Variants in TTLL7 observed in about 807,000 individuals in gnomAD.
TTLL7 encodes the protein tubulin polyglutamylase TTLL7.
Under a neutral mutation model 120.2 loss-of-function variants are expected in TTLL7, and 53 were observed. That is an observed-to-expected ratio of 0.44 (90% CI 0.35 to 0.55). TTLL7 has a LOEUF of 0.55. Ranked by LOEUF, TTLL7 falls within the 20% of genes least tolerant of loss-of-function variation. TTLL7 has a pLI of 0.00. For synonymous variants in TTLL7, 353 were observed against 351.7 expected (o/e 1.00, Z -0.04); for missense variants, 803 against 1,054.7 (o/e 0.76, Z 3.31).
At chr1:83,911,518 A>G (rs1657674825) in intron 14 of TTLL7, among the ~76,000 whole-genome samples, 155 bp from the exon 15 acceptor site, 1 of 152,154 alleles carries the variant, frequency 6.6e-6, no homozygotes, top group African/African-American at 2.4e-5. Flanking sequence ...TGCTTAGCCT[A>G]CAGTGCTATG....
chr1:83,996,778 A>G lies in TTLL7; in HGVS notation c.-177+2153T>C, dbSNP rs1457004921. Among the ~76,000 whole-genome samples the G allele has an allele frequency of 2.0e-5, 3 of 152,094 alleles. No individual in the cohort carries two copies. The East Asian group carries it at 5.8e-4, about 29-fold the overall frequency. On this transcript the variant is annotated intron_variant, in intron 1 of 20. Coordinates refer to ENST00000260505, the MANE Select transcript of TTLL7 (RefSeq NM_024686.6). ...CTAAAGCCAAGTTGGTATTATATTC[A>G]TACTCTCAGTGATGTCATCTAAGTA...
chr1:83,946,580 C>T (rs1022561525), intron 6 of TTLL7, among the ~76,000 whole-genome samples: 42 of 152,290 alleles, frequency 2.8e-4, no homozygotes, highest in African/African-American at 9.9e-4. Context: ...ATTACTTACA[C>T]ATTCTATTCT....
chr1:83,939,223 T>A (rs1647706823), intron 7 of TTLL7, among the ~76,000 whole-genome samples: 1 of 152,202 alleles, frequency 6.6e-6, no homozygotes, highest in Non-Finnish European at 1.5e-5. Context: ...TATGCTTACC[T>A]AATTTTAAGT....
At chr1:83,876,369 T>C (rs538159388) in intron 20 of TTLL7, among the ~76,000 whole-genome samples, 2 of 152,062 alleles carry the variant, frequency 1.3e-5, no homozygotes, top group East Asian at 1.9e-4. Context: ...CTAAATCCTA[T>C]GATGTTATAT....
At chr1:83,900,716 T>C (rs1211309375) in intron 18 of TTLL7, among the ~76,000 whole-genome samples, 2 of 152,044 alleles carry the variant, frequency 1.3e-5, no homozygotes, top group Non-Finnish European at 2.9e-5. Context: ...GCAATTATTC[T>C]GTAGGATGGA....
At chr1:83,959,886 T>C (rs1300483420) in intron 1 of TTLL7, among the ~76,000 whole-genome samples, 1 of 152,108 alleles carries the variant, frequency 6.6e-6, no homozygotes, top group Non-Finnish European at 1.5e-5. Flanking sequence ...CAGTATATTA[T>C]TTACATAAAG....
intron 20 of TTLL7, among the ~76,000 whole-genome samples, chr1:83,881,317 G>A (rs1273176110): frequency 6.7e-6 from 1 of 149,974 alleles, no homozygotes. Flanking sequence ...CTACAAAATG[G>A]GAGAAAATTT....
At chr1:83,906,530 G>C (rs779880364) in intron 16 of TTLL7, 67 bp from the exon 17 acceptor site, 3 of 1,601,024 alleles carry the variant, frequency 1.9e-6, no homozygotes, top group Admixed American at 1.7e-5. Context: ...TAATCTGAAA[G>C]ATATTTCTAG....
At position 83,869,541 on chromosome 1, in the gene TTLL7, A is replaced by G. The variant is rs1042954590; in HGVS notation, c.*421T>C. The G allele has an allele frequency of 6.5e-6, 1 of 153,876 alleles. No homozygotes were observed. The highest frequency in any genetic ancestry group is 1.4e-5 in the Non-Finnish European group (1 of 69,312). 9.5% of individuals were successfully genotyped at this position (153,876 alleles called of 1,614,324 possible). A position where few individuals can be genotyped will look rare whatever the true frequency, so the allele number is the denominator to read the frequency against. Reference sequence around the variant, plus strand: ...GAGAATTTTTAAGGTATTATACTAAACCCTTTTTCAGGTCAAAAGGCATGT... The same window carrying G: ...GAGAATTTTTAAGGTATTATACTAAGCCCTTTTTCAGGTCAAAAGGCATGT... On this transcript the variant is annotated 3_prime_UTR_variant, in exon 21 of 21. Coordinates refer to ENST00000260505, the MANE Select transcript of TTLL7 (RefSeq NM_024686.6).
chr1:83,917,422 A>T (rs532543992), intron 14 of TTLL7, among the ~76,000 whole-genome samples, 182 bp downstream of exon 14: 1 of 152,284 alleles, frequency 6.6e-6, no homozygotes, highest in Admixed American at 6.5e-5. Flanking sequence ...GACGAATGAA[A>T]CTAATAAAAC....
At chr1:83,958,455 A>G (rs994038382) in intron 1 of TTLL7, among the ~76,000 whole-genome samples, 1 of 152,212 alleles carries the variant, frequency 6.6e-6, no homozygotes, top group Non-Finnish European at 1.5e-5. Context: ...CACACACATT[A>G]ACATTATTTG....
At chr1:83,979,335 A>G (rs1651766934) in intron 1 of TTLL7, 1 of 152,234 alleles carries the variant, frequency 6.6e-6, no homozygotes, top group Non-Finnish European at 1.5e-5. Context: ...GGTGGAGGCC[A>G]CAGGACCAGT....
rs72719401 is a variant in TTLL7, at chr1:83,991,842, T to C, written c.-177+7089A>G. Among the ~76,000 whole-genome samples the C allele has an allele frequency of 5.6e-3, 847 of 152,270 alleles. 4 individuals are homozygous for C. The highest frequency in any genetic ancestry group is 8.3e-3 in the Non-Finnish European group (564 of 68,020). On this transcript the variant is annotated intron_variant, in intron 1 of 20. Transcript: ENST00000260505. Reference sequence around the variant, plus strand: ...TATAGATATTGCTGAGTGTATTTGCTTAATTTTATTCCCAGTAGAAGCTAC... The same window carrying C: ...TATAGATATTGCTGAGTGTATTTGCCTAATTTTATTCCCAGTAGAAGCTAC...
chr1:83,992,046 T>C (rs1043028783), intron 1 of TTLL7, among the ~76,000 whole-genome samples: 1 of 152,172 alleles, frequency 6.6e-6, no homozygotes. Context: ...ATGCATATTA[T>C]ATACTCAAGA....
chr1:83,918,701 G>C (rs1658396542), intron 13 of TTLL7, among the ~76,000 whole-genome samples: 1 of 152,028 alleles, frequency 6.6e-6, no homozygotes, highest in South Asian at 2.1e-4. Context: ...GCCAGAAAAG[G>C]CCAGATAAAC....
chr1:83,960,962 G>A (rs1443959205), intron 1 of TTLL7, among the ~76,000 whole-genome samples: 1 of 152,096 alleles, frequency 6.6e-6, no homozygotes, highest in Non-Finnish European at 1.5e-5. Flanking sequence ...AGCTGGATCT[G>A]TCCTGTGTTC....
chr1:83,872,484 G>A (rs747174090), intron 20 of TTLL7, among the ~76,000 whole-genome samples: 1 of 152,128 alleles, frequency 6.6e-6, no homozygotes, highest in Non-Finnish European at 1.5e-5. Context: ...AAAAGAAAAC[G>A]AGGTGTTTTA....
chr1:83,958,449 CACATTA>C (rs988918218), intron 1 of TTLL7, among the ~76,000 whole-genome samples: 1 of 152,132 alleles, frequency 6.6e-6, no homozygotes, highest in Admixed American at 6.5e-5. Flanking sequence ...ACTCTCCACA[CACATTA>C]ACATTATTTG....
At chr1:83,982,542 C>T (rs905767196) in intron 1 of TTLL7, among the ~76,000 whole-genome samples, 3 of 152,106 alleles carry the variant, frequency 2.0e-5, no homozygotes, top group African/African-American at 4.8e-5. Flanking sequence ...CAACACAATC[C>T]CATTTACAAT....
Sources: allele counts gnomAD v4.1 joint callset (sites outside exome capture counted in the v4.1 genomes callset), GRCh38; gene constraint gnomAD v4.1.1; transcripts MANE v1.5; gene names NCBI Gene and HGNC (gene_info 2026-07-23, HGNC 2026-07-21).